The following CYB5R4 variants were observed in gnomAD, a reference collection of about 807,000 sequenced individuals.
The protein encoded by CYB5R4 is N-terminal cytochrome b5 and cytochrome b5 oxidoreductase domain-containing protein.
Under a neutral mutation model 70.2 loss-of-function variants are expected in CYB5R4, and 55 were observed. The observed-to-expected ratio is 0.78, with a 90% CI of 0.63 to 0.98. The LOEUF is 0.98. CYB5R4 is among the 50% of genes least tolerant of loss of function. The pLI is 0.00. For synonymous variants in CYB5R4, 197 were observed against 199.5 expected (o/e 0.99, Z 0.11); for missense variants, 562 against 612.6 (o/e 0.92, Z 0.87).
At chr6:83,908,559 TC>T (rs1390413600) in intron 3 of CYB5R4, among the ~76,000 whole-genome samples, 21 of 152,212 alleles carry the variant, frequency 1.4e-4, no homozygotes, top group African/African-American at 5.1e-4. Context: ...TCTTAAGTAT[TC>T]TTAAATATCT....
At chr6:83,869,818 C>T (rs370739804) in intron 2 of CYB5R4, among the ~76,000 whole-genome samples, 1 of 150,272 alleles carries the variant, frequency 6.7e-6, no homozygotes, top group African/African-American at 2.5e-5. Context: ...GGCATAACTT[C>T]GTCTCAAAAA....
chr6:83,929,232 G>A (rs1274814899), intron 10 of CYB5R4, among the ~76,000 whole-genome samples: 2 of 152,146 alleles, frequency 1.3e-5, no homozygotes, highest in African/African-American at 4.8e-5. Context: ...CTTGCTTTGA[G>A]TAGCCTTAAA....
chr6:83,919,367 A>AT, intron 6 of CYB5R4, 30 bp from the exon 7 acceptor site: 2 of 1,248,634 alleles, frequency 1.6e-6, no homozygotes, highest in Non-Finnish European at 2.3e-6. Context: ...TGTCAATATA[A>AT]TTATTCATCC....
intron 2 of CYB5R4, among the ~76,000 whole-genome samples, chr6:83,876,447 A>G (rs2099458570): frequency 6.6e-6 from 1 of 151,340 alleles, no homozygotes; most frequent in Middle Eastern, 3.2e-3. Flanking sequence ...AGTTATCATT[A>G]TATTTTAATG....
intron 1 of CYB5R4, among the ~76,000 whole-genome samples, 158 bp from the exon 2 acceptor site, chr6:83,864,017 C>A (rs2099456383): frequency 6.6e-6 from 1 of 152,154 alleles, no homozygotes; most frequent in Admixed American, 6.5e-5. Context: ...AATTTCTAAG[C>A]CCTACCTTTT....
intron 2 of CYB5R4, among the ~76,000 whole-genome samples, chr6:83,867,169 C>T (rs1054267527): frequency 1.6e-4 from 25 of 152,052 alleles, no homozygotes; most frequent in Admixed American, 7.2e-4. Flanking sequence ...GGAAGGGAGA[C>T]ACATGAGTTA....
At chr6:83,932,024 C>T (rs1403013028) in intron 10 of CYB5R4, among the ~76,000 whole-genome samples, 1 of 148,132 alleles carries the variant, frequency 6.8e-6, no homozygotes, top group Admixed American at 6.8e-5. Flanking sequence ...TTGTTCAGTT[C>T]CCACCTATGA....
chr6:83,951,491 G>A (rs1235049926), intron 14 of CYB5R4, among the ~76,000 whole-genome samples: 1 of 152,070 alleles, frequency 6.6e-6, no homozygotes, highest in Admixed American at 6.6e-5. Context: ...GTGTCCATGT[G>A]TTCTTATTGT....
At chr6:83,957,217 A>G (rs2099472552) in intron 15 of CYB5R4, among the ~76,000 whole-genome samples, 1 of 152,144 alleles carries the variant, frequency 6.6e-6, no homozygotes, top group African/African-American at 2.4e-5. Context: ...GTTTGAATAT[A>G]AAAAATTTTT....
At chr6:83,914,294 G>A in intron 4 of CYB5R4, 122 bp from the exon 5 acceptor site, 1 of 1,080,758 alleles carries the variant, frequency 9.3e-7, no homozygotes. Context: ...TCTCTCCTCA[G>A]GCCTTAGAAG....
At chr6:83,921,607 T>TCC (rs987965965) in intron 8 of CYB5R4, among the ~76,000 whole-genome samples, 4 of 152,208 alleles carry the variant, frequency 2.6e-5, no homozygotes, top group African/African-American at 9.6e-5. Flanking sequence ...TTGTATTGTA[T>TCC]CCTCCAGCTG....
At chr6:83,892,894 C>T (rs2099461337) in intron 2 of CYB5R4, among the ~76,000 whole-genome samples, 1 of 152,108 alleles carries the variant, frequency 6.6e-6, no homozygotes, top group Non-Finnish European at 1.5e-5. Flanking sequence ...AAATTATATA[C>T]ACAGTATTTC....
intron 2 of CYB5R4, among the ~76,000 whole-genome samples, chr6:83,872,591 T>A (rs910223741): frequency 2.0e-5 from 3 of 152,202 alleles, no homozygotes; most frequent in Admixed American, 6.5e-5. Flanking sequence ...TATCTTTTGG[T>A]TTCCCTTCTG....
Position 83,869,131 on chromosome 6 carries a change from A to G in CYB5R4, c.229+4803A>G, listed in dbSNP as rs902819309. Among the ~76,000 whole-genome samples, 14 of 152,348 alleles carry G rather than the reference A, an allele frequency of 9.2e-5. No individual in the cohort carries two copies. The East Asian group carries it at 2.7e-3, about 29-fold the overall frequency. On this transcript the variant is annotated intron_variant, in intron 2 of 15. Coordinates refer to ENST00000369681, the MANE Select transcript of CYB5R4 (RefSeq NM_016230.4). ...AAGAGGCCTGCTTGATGCCACTGCA[A>G]AAGTGGCTTATAATGGGTCTGTATT...
chr6:83,891,843 C>T (rs1048092493), intron 2 of CYB5R4, among the ~76,000 whole-genome samples: 10 of 152,256 alleles, frequency 6.6e-5, no homozygotes, highest in African/African-American at 2.4e-4. Flanking sequence ...TCATGGATAG[C>T]TATTTAAGCT....
In CYB5R4 at chr6:83,874,175, C is replaced by G. The variant is rs188408901; in HGVS notation, c.229+9847C>G. ...CCTCCCTTCCCCTCCCCTCCCCTCC[C>G]CTCCCCTCCCTTCCCTTCCCTCTTA... On this transcript the variant is annotated intron_variant, in intron 2 of 15. Transcript: ENST00000369681. 9.3e-3 allele frequency among the ~76,000 whole-genome samples: 915 copies of G among 98,108 alleles called. 24 individuals carry two copies. Among genetic ancestry groups the G allele is most frequent in the African/African-American group, 0.035 (852 of 24,076 alleles). 64.4% of individuals were successfully genotyped at this position (98,108 alleles called of 152,430 possible).
intron 3 of CYB5R4, among the ~76,000 whole-genome samples, chr6:83,898,964 C>T (rs907907446): frequency 1.3e-5 from 2 of 152,198 alleles, no homozygotes; most frequent in African/African-American, 4.8e-5. Flanking sequence ...ATTTCCTTCT[C>T]CTGCCTAATT....
Position 83,922,877 on chromosome 6 carries a change from C to G in CYB5R4, c.691+407C>G, listed in dbSNP as rs982425338. On this transcript the variant is annotated intron_variant, in intron 9 of 15. Transcript: ENST00000369681. ...GATCTTGGTTCACTGCAACCTCTGC[C>G]TCTCAGGCTGAAGTGATCCTCCCGT... Among the ~76,000 whole-genome samples, 6 of 152,166 alleles carry G rather than the reference C, an allele frequency of 3.9e-5. No homozygotes were observed. In the East Asian group the frequency reaches 1.2e-3, roughly 29 times the overall value.
In CYB5R4 at chr6:83,937,379, C is replaced by T. The variant is rs2099469080; in HGVS notation, c.1108+1003C>T. Among the ~76,000 whole-genome samples, 4 of 152,270 alleles carry T rather than the reference C, an allele frequency of 2.6e-5. No homozygotes were observed. The South Asian group carries it at 8.3e-4, about 32-fold the overall frequency. On this transcript the variant is annotated intron_variant, in intron 12 of 15. Transcript: ENST00000369681. Reference sequence around the variant, plus strand: ...AAACCCTCAATAACTAACATTTGTTCATAGCTCTTTTATAAGAATAAATAT... The same window carrying T: ...AAACCCTCAATAACTAACATTTGTTTATAGCTCTTTTATAAGAATAAATAT...
Sources: gnomAD v4.1 joint callset for allele counts (sites outside exome capture counted in the v4.1 genomes callset) on GRCh38, gnomAD v4.1.1 for gene constraint, MANE v1.5 for transcripts, NCBI Gene and HGNC (gene_info 2026-07-23, HGNC 2026-07-21) for gene names.